ZNF66: variants seen among roughly 807,000 people sequenced by gnomAD.
ZNF66 encodes the protein putative zinc finger protein 66.
A neutral mutation model predicts 35.2 loss-of-function variants in ZNF66; 32 were observed. That is an observed-to-expected ratio of 0.91 (90% CI 0.69 to 1.22). The LOEUF (loss-of-function observed/expected upper bound fraction) is 1.22, where lower values mean the gene tolerates loss of function less well. Ranked by LOEUF, ZNF66 falls within the 50% of genes most tolerant of loss-of-function variation. The probability of loss-of-function intolerance (pLI) is 0.00; values close to 1 mark genes in which losing one functional copy is unlikely to be tolerated. For synonymous variants in ZNF66, 231 were observed against 181.3 expected, an observed-to-expected ratio of 1.27 and a Z score of -2.20; for missense variants, 666 against 543.1, an observed-to-expected ratio of 1.23 and a Z score of -2.25.
At position 20,792,523 on chromosome 19, in the gene ZNF66, A is replaced by G; in HGVS notation, c.15A>G (p.Gln5=). 1 of 1,531,902 alleles carries G rather than the reference A, an allele frequency of 6.5e-7. No homozygotes were observed. The highest frequency in any genetic ancestry group is 9.0e-7 in the Non-Finnish European group (1 of 1,112,852). 94.9% of individuals were successfully genotyped at this position (1,531,902 alleles called of 1,614,324 possible). A position where few individuals can be genotyped will look rare whatever the true frequency, so the allele number is the denominator to read the frequency against. The change falls in exon 2 of 4, where the codon CAA becomes CAG. Residue 5 remains glutamine, a synonymous_variant. Coordinates refer to ENST00000344519, the MANE Select transcript of ZNF66 (RefSeq NM_001355197.2). ...TGTATATTTTTCAGGGGCCATTGCA[A>G]TTTAGAGATGTGGCCATAGAATTCT... MGPL[Q]FRDVAIEFSL...
At chr19:20,794,146 T>A in intron 3 of ZNF66, 1 of 547,726 alleles carries the variant, frequency 1.8e-6, no homozygotes, top group Non-Finnish European at 3.3e-6. Flanking sequence ...CAAAGTCCTC[T>A]TCATGACATA....
chr19:20,786,047 T>TCCTGGGATTACA (rs1971284218), intron 1 of ZNF66, among the ~76,000 whole-genome samples: 1 of 152,054 alleles, frequency 6.6e-6, no homozygotes. Flanking sequence ...GGATTACAGG[T>TCCTGGGATTACA]GTGAGTCACT....
rs981787736 is a variant in ZNF66 at position 20,807,793 on chromosome 19, A to G, written c.*471A>G. ...GCTCCCAGCCTGAGCGACGCAGAAG[A>G]TGGGTGATTTCTGCATTTCCGTCTG... On this transcript the variant is annotated 3_prime_UTR_variant, in exon 4 of 4. Transcript: ENST00000344519. Among the ~76,000 whole-genome samples the G allele has an allele frequency of 4.6e-5, 7 of 152,020 alleles. No homozygotes were observed. The highest frequency in any genetic ancestry group is 1.2e-4 in the African/African-American group (5 of 41,398).
intron 3 of ZNF66, chr19:20,794,142 C>CCT: frequency 1.8e-6 from 1 of 551,310 alleles, no homozygotes; most frequent in Non-Finnish European, 3.3e-6. Flanking sequence ...GAGCCAAAGT[C>CCT]CTCTTCATGA....
chr19:20,806,765 A>G lies in ZNF66; in HGVS notation c.1165A>G (p.Ile389Val), dbSNP rs1214086479. The G allele has an allele frequency of 1.5e-6, 2 of 1,331,600 alleles. No homozygotes were observed. The highest frequency in any genetic ancestry group is 2.3e-5 in the East Asian group (1 of 43,508). 82.5% of individuals were successfully genotyped at this position (1,331,600 alleles called of 1,614,324 possible). A position where few individuals can be genotyped will look rare whatever the true frequency, so the allele number is the denominator to read the frequency against. ...KYSCSLTAHK[I>V]IHTGKKPYKC... ...CTCCTGTTCCCTTACTGCACATAAG[A>G]TAATTCATACTGGAAAGAAACCTTA... Residue 389 changes from isoleucine (I) to valine (V), a missense_variant, in exon 4 of 4, where the codon ATA becomes GTA. Transcript: ENST00000344519.
intron 2 of ZNF66, 138 bp downstream of exon 2, chr19:20,792,776 A>G (rs914136723): frequency 4.9e-6 from 3 of 617,458 alleles, no homozygotes; most frequent in Non-Finnish European, 7.7e-6. Flanking sequence ...GAATTTGTTC[A>G]TTTAGAAAAG....
At chr19:20,798,895 TA>T (rs1406368420) in intron 3 of ZNF66, 1 of 152,166 alleles carries the variant, frequency 6.6e-6, no homozygotes, top group East Asian at 1.9e-4. Flanking sequence ...ATGTGTATGT[TA>T]TATTTTTTGA....
chr19:20,791,944 A>G (rs1971342063), intron 1 of ZNF66, among the ~76,000 whole-genome samples: 1 of 151,986 alleles, frequency 6.6e-6, no homozygotes, highest in Non-Finnish European at 1.5e-5. Context: ...CTTTTTTTCT[A>G]CATATTTTTC....
intron 3 of ZNF66, among the ~76,000 whole-genome samples, chr19:20,797,211 T>TTCAGTGTAGG (rs1971402490): frequency 1.3e-4 from 13 of 96,510 alleles, no homozygotes; most frequent in African/African-American, 5.4e-4. Context: ...TTTTTTTTTT[T>TTCAGTGTAGG]TTTTTTTTTT....
intron 1 of ZNF66, among the ~76,000 whole-genome samples, chr19:20,788,978 G>A (rs556457008): frequency 6.6e-6 from 1 of 152,034 alleles, no homozygotes; most frequent in East Asian, 2.0e-4. Flanking sequence ...TTGAACCCAG[G>A]AGGCAGAGCT....
chr19:20,786,604 A>C (rs2144896309), intron 1 of ZNF66, among the ~76,000 whole-genome samples: 1 of 152,340 alleles, frequency 6.6e-6, no homozygotes, highest in East Asian at 1.9e-4. Context: ...TTTATCTGAA[A>C]AATGCAAGTC....
At chr19:20,799,035 T>TC (rs1555783159) in intron 3 of ZNF66, 1 of 146,536 alleles carries the variant, frequency 6.8e-6, no homozygotes, top group Non-Finnish European at 1.5e-5. Context: ...TTTGTTGTTG[T>TC]TTTCTTTCTT....
intron 3 of ZNF66, among the ~76,000 whole-genome samples, chr19:20,795,915 C>A (rs1400000745): frequency 6.6e-6 from 1 of 152,160 alleles, no homozygotes. Flanking sequence ...GTTGGGTGAA[C>A]CCTATCTGGT....
At position 20,796,611 on chromosome 19, in the gene ZNF66, C is replaced by A. The variant is rs534510609; in HGVS notation, c.226+2733C>A. 2.0e-4 allele frequency among the ~76,000 whole-genome samples: 30 copies of A among 152,252 alleles called. No individual in the cohort carries two copies. The South Asian group carries it at 5.0e-3, about 25-fold the overall frequency. ...TTAAATTTAACAATGTAAGGCTACT[C>A]TTTGCTTCTAAAGTTTGATTATAGC... On this transcript the variant is annotated intron_variant, in intron 3 of 3. Transcript: ENST00000344519.
intron 3 of ZNF66, among the ~76,000 whole-genome samples, chr19:20,804,097 C>G (rs1971476786): frequency 6.6e-6 from 1 of 151,358 alleles, no homozygotes; most frequent in Non-Finnish European, 1.5e-5. Flanking sequence ...AGAAATTTTC[C>G]AATTATGTTT....
In ZNF66 at chr19:20,809,182, A is replaced by G. The variant is rs544343651; in HGVS notation, c.*1860A>G. Among the ~76,000 whole-genome samples the G allele has an allele frequency of 1.3e-5, 2 of 152,322 alleles. No individual in the cohort carries two copies. Among genetic ancestry groups the G allele is most frequent in the Admixed American group, 6.5e-5 (1 of 15,302 alleles). On this transcript the variant is annotated 3_prime_UTR_variant, in exon 4 of 4. Transcript: ENST00000344519. ...TCTCCAAGAAATATGGGACTATGTG[A>G]AAAGACCAAATCTACCTCTGATTGG...
chr19:20,793,332 C>CTTTTTT (rs781748526), intron 2 of ZNF66, among the ~76,000 whole-genome samples: 182 of 84,582 alleles, frequency 2.2e-3, no homozygotes, highest in African/African-American at 3.1e-3. Context: ...CTTTTCTTTT[C>CTTTTTT]TTTTTTTTTT....
intron 1 of ZNF66, among the ~76,000 whole-genome samples, chr19:20,786,497 G>A (rs998611976): frequency 6.6e-6 from 1 of 152,086 alleles, no homozygotes; most frequent in Non-Finnish European, 1.5e-5. Context: ...GCCCACAAAC[G>A]TACAGGTAAT....
At chr19:20,786,957 C>A (rs975251401) in intron 1 of ZNF66, among the ~76,000 whole-genome samples, 22 of 152,132 alleles carry the variant, frequency 1.4e-4, no homozygotes, top group Admixed American at 1.4e-3. Flanking sequence ...GATGGGATTT[C>A]TCCATGTTGG....
Sources: allele counts gnomAD v4.1 joint callset (sites outside exome capture counted in the v4.1 genomes callset), GRCh38; gene constraint gnomAD v4.1.1; transcripts MANE v1.5; gene names NCBI Gene and HGNC (gene_info 2026-07-23, HGNC 2026-07-21).